Variants in SOX5 observed in about 807,000 individuals in gnomAD.
SOX5 encodes the protein SRY-box transcription factor 5, also known as transcription factor SOX-5.
SOX5 carries 9 observed loss-of-function variants against 92.0 expected under a neutral mutation model. That is an observed-to-expected ratio of 0.10 (90% CI 0.06 to 0.17). SOX5 has a LOEUF of 0.17. Ranked by LOEUF, SOX5 falls within the 10% of genes least tolerant of loss-of-function variation. SOX5 has a pLI of 1.00. For synonymous variants in SOX5, 344 were observed against 336.3 expected (o/e 1.02, Z -0.25); for missense variants, 642 against 944.5 (o/e 0.68, Z 4.20).
rs182635005 is a variant in SOX5, at chr12:24,004,252, G to A, written c.-1-108228C>T. Among the ~76,000 whole-genome samples the A allele has an allele frequency of 1.6e-3, 235 of 149,338 alleles. 1 individual carries two copies. Among genetic ancestry groups the A allele is most frequent in the Non-Finnish European group, 3.0e-3 (200 of 67,380 alleles). ...CCTGGTCTTAAAGCATGACACACAC[G>A]CACATAAAAACAACTGATAAACTGA... On this transcript the variant is annotated intron_variant, in intron 4 of 4. Coordinates refer to the SOX5 transcript ENST00000446891.
chr12:24,336,096 T>C (rs1595707552), intron 2 of SOX5, among the ~76,000 whole-genome samples: 1 of 150,390 alleles, frequency 6.6e-6, no homozygotes, highest in East Asian at 2.0e-4. Context: ...GTTTTTTGTT[T>C]GTTTGTTTGT....
At chr12:23,949,738 CT>C, upstream of SOX5, 1 of 1,071,576 alleles carries the variant, frequency 9.3e-7, no homozygotes, top group Non-Finnish European at 1.3e-6. Flanking sequence ...CTCCCTCTCT[CT>C]CTCTCTCTCT....
chr12:24,519,543 A>G (rs1281197964), intron 1 of SOX5, among the ~76,000 whole-genome samples: 1 of 152,172 alleles, frequency 6.6e-6, no homozygotes, highest in Non-Finnish European at 1.5e-5. Flanking sequence ...AAAGTGTTCT[A>G]TGCAGCAGAA....
chr12:23,642,483 AAAG>A (rs770238977), intron 7 of SOX5, among the ~76,000 whole-genome samples: 79 of 152,338 alleles, frequency 5.2e-4, no homozygotes, highest in Middle Eastern at 3.4e-3. Context: ...TTAGCTAGAC[AAAG>A]AAGGGAAGAA....
chr12:24,035,242 T>C (rs576745913), intron 4 of SOX5, among the ~76,000 whole-genome samples: 1 of 152,230 alleles, frequency 6.6e-6, no homozygotes, highest in East Asian at 1.9e-4. Flanking sequence ...TACTTTTTAA[T>C]TTTACCAACT....
chr12:24,437,095 C>T (rs36106026), intron 1 of SOX5, among the ~76,000 whole-genome samples: 14,487 of 152,180 alleles, frequency 0.095, 862 homozygotes, highest in South Asian at 0.16. Context: ...ATGGAGATGC[C>T]AAAAGAGATG....
At chr12:24,445,362 G>A (rs536269436) in intron 1 of SOX5, among the ~76,000 whole-genome samples, 9 of 151,622 alleles carry the variant, frequency 5.9e-5, no homozygotes, top group Non-Finnish European at 1.3e-4. Flanking sequence ...TTGAAAGAGA[G>A]CAAAAAAAGG....
chr12:23,984,763 A>G (rs189130026), intron 4 of SOX5, among the ~76,000 whole-genome samples: 1 of 152,340 alleles, frequency 6.6e-6, no homozygotes, highest in East Asian at 1.9e-4. Flanking sequence ...TTAGCACTAA[A>G]TGCTTAAGTT....
intron 2 of SOX5, among the ~76,000 whole-genome samples, chr12:23,855,226 A>C (rs1297838643): frequency 6.6e-6 from 1 of 152,008 alleles, no homozygotes; most frequent in Non-Finnish European, 1.5e-5. Flanking sequence ...TTTTTTAATA[A>C]TTTAAAATTT....
In SOX5 at chr12:24,413,738, A is replaced by T. The variant is rs116706417; in HGVS notation, c.-250-45099T>A. Among the ~76,000 whole-genome samples, 427 of 152,346 alleles carry T rather than the reference A, an allele frequency of 2.8e-3. 5 individuals are homozygous for T. The highest frequency in any genetic ancestry group is 9.5e-3 in the African/African-American group (393 of 41,584). On this transcript the variant is annotated intron_variant, in intron 1 of 4. Coordinates refer to the SOX5 transcript ENST00000446891. ...ATGGCCCAGTCATCGATATTATTGC[A>T]GACACTAGCCCACAAGAGGTTCCAA... is the stretch of plus-strand genomic sequence containing the variant.
chr12:24,047,562 G>A (rs543216125), intron 4 of SOX5, among the ~76,000 whole-genome samples: 1 of 150,136 alleles, frequency 6.7e-6, no homozygotes, highest in African/African-American at 2.4e-5. Flanking sequence ...TATGACTTAC[G>A]ACATCTCCTT....
chr12:23,702,751 A>AGT (rs144961077), intron 6 of SOX5, among the ~76,000 whole-genome samples: 4,531 of 149,348 alleles, frequency 0.03, 93 homozygotes, highest in African/African-American at 0.058. Flanking sequence ...AGAAACAGAG[A>AGT]GTGTGTGTGT....
chr12:23,782,252 T>C (rs749537764), intron 3 of SOX5, among the ~76,000 whole-genome samples: 18 of 152,110 alleles, frequency 1.2e-4, no homozygotes, highest in Admixed American at 6.5e-5. Flanking sequence ...TTACCTTGTG[T>C]CATTTTCAAC....
rs143802553 is a variant in SOX5 at position 23,891,368 on chromosome 12, A to G, written c.270+4425T>C. Reference sequence around the variant, plus strand: ...AGCATCCTACTTCCTCAAAGTCTTTATATGGGAATAGTAATTAAGTGTACA... The same window carrying G: ...AGCATCCTACTTCCTCAAAGTCTTTGTATGGGAATAGTAATTAAGTGTACA... On this transcript the variant is annotated intron_variant, in intron 2 of 14. Transcript: ENST00000451604. Among the ~76,000 whole-genome samples, 788 of 152,350 alleles carry G rather than the reference A, an allele frequency of 5.2e-3. 4 individuals carry two copies. The highest frequency in any genetic ancestry group is 8.3e-3 in the Non-Finnish European group (567 of 68,024).
intron 4 of SOX5, among the ~76,000 whole-genome samples, chr12:24,178,922 G>A (rs1338547132): frequency 6.6e-6 from 1 of 152,164 alleles, no homozygotes. Context: ...GTTCCAGATA[G>A]ATAGAAACAG....
chr12:23,695,935 T>C (rs1234606706), intron 6 of SOX5, among the ~76,000 whole-genome samples: 10 of 74,202 alleles, frequency 1.3e-4, no homozygotes, highest in Admixed American at 1.9e-4. Context: ...AGCGAGACTC[T>C]GTCTCAAAAA....
intron 9 of SOX5, among the ~76,000 whole-genome samples, chr12:23,581,374 TC>T (rs1269448505): frequency 6.6e-6 from 1 of 152,136 alleles, no homozygotes; most frequent in Admixed American, 6.6e-5. Context: ...ATAAATTTCA[TC>T]TTTATTTACA....
chr12:24,343,590 T>C (rs561572302), intron 2 of SOX5, among the ~76,000 whole-genome samples: 2 of 152,268 alleles, frequency 1.3e-5, no homozygotes, highest in Admixed American at 6.5e-5. Flanking sequence ...CGCAGTCTTA[T>C]GTCTTTAATC....
rs1939515326 is a variant in SOX5, at chr12:23,533,435, C to CTT, written c.*782_*783dup. Reference sequence around the variant, plus strand: ...TGTCTAAGATTTAACACTGTCCTAACTTAAGAAGGAAAAGGAAAAAGTAAA... The same window carrying CTT: ...TGTCTAAGATTTAACACTGTCCTAACTTTTAAGAAGGAAAAGGAAAAAGTAAA... On this transcript the variant is annotated 3_prime_UTR_variant, in exon 15 of 15. Coordinates refer to ENST00000451604, the MANE Select transcript of SOX5 (RefSeq NM_006940.6). 5.0e-6 allele frequency: 1 copy of CTT among 200,682 alleles called. No homozygotes were observed. The highest frequency in any genetic ancestry group is 1.2e-4 in the East Asian group (1 of 8,336). The allele number at this position is 200,682 out of a possible 1,614,324, so 12.4% of individuals were successfully genotyped here.
Sources: gnomAD v4.1 joint callset for allele counts (sites outside exome capture counted in the v4.1 genomes callset) on GRCh38, gnomAD v4.1.1 for gene constraint, MANE v1.5 for transcripts, NCBI Gene and HGNC (gene_info 2026-07-23, HGNC 2026-07-21) for gene names.